The following RIOK1 variants were observed in gnomAD, a reference collection of about 807,000 sequenced individuals.
RIOK1 encodes the protein RIO kinase 1.
In RIOK1, 66 loss-of-function variants were observed where a neutral mutation model predicts 73.5. The ratio of observed to expected loss-of-function variants is 0.90; its 90% CI spans 0.74 to 1.10. The LOEUF (loss-of-function observed/expected upper bound fraction) is 1.10, where lower values mean the gene tolerates loss of function less well. Ranked by LOEUF, RIOK1 falls within the 50% of genes least tolerant of loss-of-function variation. RIOK1 has a pLI of 0.00. For synonymous variants in RIOK1, 224 were observed against 226.8 expected (o/e 0.99, Z 0.11); for missense variants, 658 against 699.8 (o/e 0.94, Z 0.67).
chr6:7,392,565 G>A (rs571665621), intron 1 of RIOK1, among the ~76,000 whole-genome samples: 1 of 151,024 alleles, frequency 6.6e-6, no homozygotes, highest in Admixed American at 6.6e-5. Flanking sequence ...GGTTGCCCAA[G>A]CTGGAGTACA....
chr6:7,408,294 C>A (rs1047213345), intron 12 of RIOK1, among the ~76,000 whole-genome samples: 1 of 152,250 alleles, frequency 6.6e-6, no homozygotes, highest in African/African-American at 2.4e-5. Flanking sequence ...GCCTCGGCCT[C>A]CCAAAGTGCT....
At chr6:7,404,111 C>T in intron 9 of RIOK1, 84 bp downstream of exon 9, 1 of 931,848 alleles carries the variant, frequency 1.1e-6, no homozygotes, top group Non-Finnish European at 1.7e-6. Flanking sequence ...TGAATATTTC[C>T]CATTTGAATA....
intron 6 of RIOK1, 25 bp downstream of exon 6, chr6:7,401,075 A>G (rs555335510): frequency 4.2e-6 from 6 of 1,439,136 alleles, no homozygotes; most frequent in Admixed American, 1.8e-5. Context: ...GGATGATTGG[A>G]TATTTAATTT....
At chr6:7,417,170 G>A (rs563654476) in intron 16 of RIOK1, among the ~76,000 whole-genome samples, 161 bp from the exon 17 acceptor site, 57 of 152,186 alleles carry the variant, frequency 3.7e-4, no homozygotes, top group Non-Finnish European at 6.2e-4. Context: ...AGGATTGCTT[G>A]AGCCCAGGAG....
At chr6:7,403,137 T>C (rs1761655035) in intron 8 of RIOK1, among the ~76,000 whole-genome samples, 1 of 152,236 alleles carries the variant, frequency 6.6e-6, no homozygotes, top group African/African-American at 2.4e-5. Context: ...ACAATTCATA[T>C]TTATTCCACG....
intron 8 of RIOK1, among the ~76,000 whole-genome samples, chr6:7,403,577 G>A (rs1430840579): frequency 6.6e-6 from 1 of 152,206 alleles, no homozygotes; most frequent in Non-Finnish European, 1.5e-5. Context: ...GCTATTAGGT[G>A]TGAGTCCAAC....
rs749148799 is a variant in RIOK1, at chr6:7,414,356, A to G, written c.1562A>G (p.Lys521Arg). 2 of 1,612,510 alleles carry G rather than the reference A, an allele frequency of 1.2e-6. No homozygotes were observed. Among genetic ancestry groups the G allele is most frequent in the African/African-American group, 1.3e-5 (1 of 74,928 alleles). ...GAGCAGGGAGACCATGCCCGCCCCA[A>G]GAAACACACCACGGACCCTGACATT... is the stretch of plus-strand genomic sequence containing the variant. ...SEEQGDHARP[K>R]KHTTDPDIDK... The change falls in exon 16 of 17, where the codon AAG becomes AGG. Residue 521 changes from lysine to arginine, a missense_variant. Coordinates refer to ENST00000379834, the MANE Select transcript of RIOK1 (RefSeq NM_031480.3).
intron 1 of RIOK1, among the ~76,000 whole-genome samples, chr6:7,392,243 CAA>C (rs35570327): frequency 0.5 from 55,376 of 110,356 alleles, 11,260 homozygotes; most frequent in African/African-American, 0.6. Flanking sequence ...TCTAATATGG[CAA>C]AAAAAAAAAA....
chr6:7,396,787 A>G lies in RIOK1; in HGVS notation c.437+15A>G, dbSNP rs1761484977. ...GAAGCAGATATGTAAGTAATATTTT[A>G]ATAATATGCATGGGTGATAAGGACT... is the stretch of plus-strand genomic sequence containing the variant. On this transcript the variant is annotated intron_variant, in intron 4 of 16. Transcript: ENST00000379834. The G allele has an allele frequency of 1.5e-6, 2 of 1,370,100 alleles. No homozygotes were observed. Among genetic ancestry groups the G allele is most frequent in the South Asian group, 1.2e-5 (1 of 84,566 alleles). The allele number at this position is 1,370,100 out of a possible 1,614,324, so 84.9% of individuals were successfully genotyped here. A position where few individuals can be genotyped will look rare whatever the true frequency, so the allele number is the denominator to read the frequency against.
In RIOK1 at chr6:7,389,842, G is replaced by A. The variant is rs141060397; in HGVS notation, c.-161G>A. 2.0e-3 allele frequency: 1,261 copies of A among 619,512 alleles called. 10 individuals carry two copies. Among genetic ancestry groups the A allele is most frequent in the Middle Eastern group, 0.012 (28 of 2,276 alleles). The allele number at this position is 619,512 out of a possible 1,614,324, so 38.4% of individuals were successfully genotyped here. On this transcript the variant is annotated 5_prime_UTR_variant, in exon 1 of 17. Coordinates refer to ENST00000379834, the MANE Select transcript of RIOK1 (RefSeq NM_031480.3). ...GTTGGGGTGGCAGGGTGGTGGATCT[G>A]TCGGTCCCGTTTTCCCGTCGCACGT...
At chr6:7,390,685 C>T (rs1408993919) in intron 1 of RIOK1, among the ~76,000 whole-genome samples, 1 of 152,182 alleles carries the variant, frequency 6.6e-6, no homozygotes, top group Non-Finnish European at 1.5e-5. Flanking sequence ...GCCAGAGTGC[C>T]TAGAGCACAG....
intron 8 of RIOK1, among the ~76,000 whole-genome samples, chr6:7,403,403 T>G (rs1329155875): frequency 6.6e-6 from 1 of 152,210 alleles, no homozygotes; most frequent in Admixed American, 6.5e-5. Flanking sequence ...ACTAACACCT[T>G]TTTATCAGGT....
At chr6:7,401,258 G>A (rs1345215879) in intron 6 of RIOK1, among the ~76,000 whole-genome samples, 1 of 152,174 alleles carries the variant, frequency 6.6e-6, no homozygotes, top group East Asian at 1.9e-4. Flanking sequence ...AACTAGTTGT[G>A]CCCAGTAGTG....
intron 4 of RIOK1, among the ~76,000 whole-genome samples, chr6:7,397,319 T>G (rs766896716): frequency 6.6e-6 from 1 of 152,170 alleles, no homozygotes; most frequent in Non-Finnish European, 1.5e-5. Flanking sequence ...ATGGTAAAAG[T>G]GTAATCTCAT....
chr6:7,410,274 G>A (rs1014964219), intron 12 of RIOK1, 112 bp from the exon 13 acceptor site: 11 of 709,704 alleles, frequency 1.5e-5, no homozygotes, highest in Non-Finnish European at 1.8e-5. Flanking sequence ...TTTCCTAAGT[G>A]TGAGGAGGTG....
intron 16 of RIOK1, among the ~76,000 whole-genome samples, 195 bp downstream of exon 16, chr6:7,414,585 AGCACCTTGG>A (rs1445525308): frequency 6.6e-6 from 1 of 152,208 alleles, no homozygotes; most frequent in Non-Finnish European, 1.5e-5. Flanking sequence ...TGCTCATCAG[AGCACCTTGG>A]GCATTGCCTA....
rs559425589 is a variant in RIOK1, at chr6:7,396,334, A to C, written c.368-369A>C. ...CTTCTTTGCCTATCATAGACTTATA[A>C]CTTGAAGTGAAACAAGTTTTTAGAA... On this transcript the variant is annotated intron_variant, in intron 3 of 16. Transcript: ENST00000379834. Among the ~76,000 whole-genome samples, 3 of 152,352 alleles carry C rather than the reference A, an allele frequency of 2.0e-5. No homozygotes were observed. In the South Asian group the frequency reaches 6.2e-4, roughly 32 times the overall value.
intron 8 of RIOK1, among the ~76,000 whole-genome samples, chr6:7,403,594 T>G (rs1185020529): frequency 6.6e-6 from 1 of 152,240 alleles, no homozygotes; most frequent in Non-Finnish European, 1.5e-5. Flanking sequence ...CAACTATTTT[T>G]ATTAAGCATT....
chr6:7,408,033 G>T (rs780162306), intron 12 of RIOK1, among the ~76,000 whole-genome samples: 1 of 152,146 alleles, frequency 6.6e-6, no homozygotes, highest in Non-Finnish European at 1.5e-5. Flanking sequence ...CTCTACACAG[G>T]TTTTCAGGTT....
Sources: allele counts gnomAD v4.1 joint callset (sites outside exome capture counted in the v4.1 genomes callset), GRCh38; gene constraint gnomAD v4.1.1; transcripts MANE v1.5; gene names NCBI Gene and HGNC (gene_info 2026-07-23, HGNC 2026-07-21).